The following PRTG variants were observed in gnomAD, a reference collection of about 807,000 sequenced individuals.
PRTG encodes immunoglobulin superfamily, DCC subclass, member 5.
A neutral mutation model predicts 122.5 loss-of-function variants in PRTG; 67 were observed. The ratio of observed to expected loss-of-function variants is 0.55; its 90% confidence interval spans 0.45 to 0.67. PRTG has a LOEUF of 0.67. Among genes scored for constraint, PRTG ranks in the 30% least tolerant of loss-of-function variants. PRTG has a pLI of 0.00. For missense variants in PRTG, 1,435 were observed against 1,415.4 expected (o/e 1.01, Z -0.22); for synonymous variants, 554 against 501.1 (o/e 1.11, Z -1.41).
rs1399417739 is a variant in PRTG, at chr15:55,743,043, C to CGCTCCG, written c.-118_-113dup. Reference sequence around the variant, plus strand: ...GCTGGTCGCACGCAGCCTGGCTCCCCGCTCCGGCTCCGGCACCGGCGTGGC... The same window carrying CGCTCCG: ...GCTGGTCGCACGCAGCCTGGCTCCCCGCTCCGGCTCCGGCTCCGGCACCGGCGTGGC... On this transcript the variant is annotated 5_prime_UTR_variant, in exon 1 of 20. Coordinates refer to ENST00000389286, the MANE Select transcript of PRTG (RefSeq NM_173814.6). The CGCTCCG allele has an allele frequency of 1.5e-4, 196 of 1,310,052 alleles. No homozygotes were observed. Among genetic ancestry groups the CGCTCCG allele is most frequent in the Admixed American group, 3.0e-4 (7 of 23,712 alleles). The allele number at this position is 1,310,052 out of a possible 1,614,324, so 81.2% of individuals were successfully genotyped here.
At chr15:55,693,170 T>C (rs911000914) in intron 2 of PRTG, among the ~76,000 whole-genome samples, 1 of 152,114 alleles carries the variant, frequency 6.6e-6, no homozygotes, top group Admixed American at 6.5e-5. Context: ...TTTAAAAGAC[T>C]AAGTGGCAGG....
intron 8 of PRTG, among the ~76,000 whole-genome samples, 181 bp from the exon 9 acceptor site, chr15:55,675,864 A>G (rs2059499730): frequency 6.6e-6 from 1 of 152,130 alleles, no homozygotes; most frequent in South Asian, 2.1e-4. Flanking sequence ...ATTTCACTAC[A>G]AATTATTAGA....
At chr15:55,706,870 C>A (rs1342190990) in intron 2 of PRTG, among the ~76,000 whole-genome samples, 3 of 152,010 alleles carry the variant, frequency 2.0e-5, no homozygotes, top group African/African-American at 7.2e-5. Context: ...CAGAGCTTTG[C>A]CTACTTACAT....
At position 55,682,420 on chromosome 15, in the gene PRTG, G is replaced by C; in HGVS notation, c.620C>G (p.Ala207Gly). ...QRDSGNYRCI[A>G]ATVAHRRKSM... The stretch of plus-strand genomic sequence containing the variant: ...TTTACGTCGGTGGGCTACAGTGGCA[G>C]CAATACAACGATAATTTCCAGAATC... The change falls in exon 4 of 20, where the codon GCT becomes GGT. Residue 207 changes from alanine (A) to glycine (G), a missense_variant. By Grantham distance (60) the Ala-to-Gly change is moderately conservative. Transcript: ENST00000389286. 6.2e-7 allele frequency: 1 copy of C among 1,605,942 alleles called. No homozygotes were observed. The highest frequency in any genetic ancestry group is 8.5e-7 in the Non-Finnish European group (1 of 1,175,212).
chr15:55,670,866 C>T (rs556338942), intron 11 of PRTG, among the ~76,000 whole-genome samples: 2 of 150,942 alleles, frequency 1.3e-5, no homozygotes, highest in South Asian at 4.2e-4. Flanking sequence ...TGCCATTACA[C>T]TCCAGCCTGG....
At chr15:55,663,075 T>A (rs930022069) in intron 11 of PRTG, among the ~76,000 whole-genome samples, 4 of 152,214 alleles carry the variant, frequency 2.6e-5, no homozygotes, top group African/African-American at 4.8e-5. Context: ...AAAAGTACCA[T>A]CCCTTAGAAC....
At chr15:55,652,811 A>G (rs539488436) in intron 11 of PRTG, among the ~76,000 whole-genome samples, 50 of 152,310 alleles carry the variant, frequency 3.3e-4, no homozygotes, top group Admixed American at 5.9e-4. Context: ...TGTTTCTCCA[A>G]TTGAAATCAC....
chr15:55,712,406 C>T (rs547791831), intron 2 of PRTG, among the ~76,000 whole-genome samples: 13 of 152,028 alleles, frequency 8.6e-5, no homozygotes, highest in Non-Finnish European at 1.6e-4. Flanking sequence ...AGCTGTTTCG[C>T]CTATGTGTTT....
chr15:55,683,888 G>C lies in PRTG; in HGVS notation c.441C>G (p.His147Gln), dbSNP rs770681139. The C allele has an allele frequency of 1.2e-6, 2 of 1,613,800 alleles. No homozygotes were observed. Among genetic ancestry groups the C allele is most frequent in the Non-Finnish European group, 1.7e-6 (2 of 1,179,788 alleles). Residue 147 changes from histidine to glutamine, a missense_variant, in exon 3 of 20, where the codon CAC becomes CAG. By Grantham distance (24) the His-to-Gln change is conservative (BLOSUM62 0). Transcript: ENST00000389286. The part of the protein sequence containing the change: ...FEVQPISTEV[H>Q]EGGVARFACK... ...ATGCAAATCGAGCAACTCCACCTTC[G>C]TGGACCTCAGTGGAAATTGGCTGGA...
At position 55,640,833 on chromosome 15, in the gene PRTG, A is replaced by G. The variant is rs549182011; in HGVS notation, c.2137+280T>C. 3.3e-5 allele frequency among the ~76,000 whole-genome samples: 5 copies of G among 151,126 alleles called. No homozygotes were observed. In the South Asian group the frequency reaches 1.1e-3, roughly 32 times the overall value. ...GAGAACAGCCTGGCCAACATGGTGAAAACCCCGTCTCTACTAAAAATACAA... is the reference window on the plus strand; with the variant it reads ...GAGAACAGCCTGGCCAACATGGTGAGAACCCCGTCTCTACTAAAAATACAA... On this transcript the variant is annotated intron_variant, in intron 12 of 19. Transcript: ENST00000389286.
At chr15:55,693,324 C>T (rs942291838) in intron 2 of PRTG, among the ~76,000 whole-genome samples, 8 of 152,110 alleles carry the variant, frequency 5.3e-5, no homozygotes, top group African/African-American at 1.7e-4. Flanking sequence ...GGCGTGGCGG[C>T]GCATGCCTGC....
chr15:55,642,435 G>A (rs949883000), intron 11 of PRTG, among the ~76,000 whole-genome samples: 6 of 151,712 alleles, frequency 4.0e-5, no homozygotes, highest in African/African-American at 1.5e-4. Context: ...CTGCCAACAT[G>A]GTGAAACCCC....
chr15:55,700,447 A>G (rs75265381), intron 2 of PRTG, among the ~76,000 whole-genome samples: 3,229 of 152,288 alleles, frequency 0.021, 117 homozygotes, highest in African/African-American at 0.072. Context: ...AGCACAATCC[A>G]TAAAAGATTG....
chr15:55,708,164 A>ACAAAC (rs1284640659), intron 2 of PRTG, among the ~76,000 whole-genome samples: 11 of 97,726 alleles, frequency 1.1e-4, no homozygotes, highest in African/African-American at 3.7e-4. Context: ...AAAAAAAAAA[A>ACAAAC]AAAAAAAAAA....
chr15:55,630,176 C>CG (rs2059219745), intron 15 of PRTG, among the ~76,000 whole-genome samples: 1 of 152,052 alleles, frequency 6.6e-6, no homozygotes, highest in Non-Finnish European at 1.5e-5. Context: ...TTAGTAGAGA[C>CG]AGGGTTTCAC....
In PRTG at chr15:55,629,359, GTATATA is replaced by G. The variant is rs58741046; in HGVS notation, c.2624-361_2624-356del. On this transcript the variant is annotated intron_variant, in intron 15 of 19. Transcript: ENST00000389286. Reference sequence around the variant, plus strand: ...ACAGTACACATTTTTGTTTGGCTTTGTATATATATATATATATGTGTGTGTGTGTGT... The same window carrying G: ...ACAGTACACATTTTTGTTTGGCTTTGTATATATATATGTGTGTGTGTGTGT... Among the ~76,000 whole-genome samples, 327 of 74,568 alleles carry G rather than the reference GTATATA, an allele frequency of 4.4e-3. 11 individuals carry two copies. The highest frequency in any genetic ancestry group is 0.012 in the African/African-American group (245 of 20,316). The allele number at this position is 74,568 out of a possible 152,430, so 48.9% of individuals were successfully genotyped here.
intron 9 of PRTG, among the ~76,000 whole-genome samples, chr15:55,675,109 G>A (rs543230954): frequency 4.9e-4 from 75 of 152,174 alleles, no homozygotes; most frequent in Admixed American, 1.1e-3. Flanking sequence ...TAAGTGCTAA[G>A]AATTTTTTGA....
intron 14 of PRTG, 108 bp downstream of exon 14, chr15:55,638,441 G>A: frequency 1.4e-6 from 1 of 691,788 alleles, no homozygotes; most frequent in Non-Finnish European, 2.2e-6. Context: ...TATATCAAGT[G>A]GTAGGTGGCA....
intron 2 of PRTG, among the ~76,000 whole-genome samples, chr15:55,689,793 C>A (rs571275843): frequency 6.6e-6 from 1 of 151,908 alleles, no homozygotes; most frequent in South Asian, 2.1e-4. Flanking sequence ...CCAGGCATGG[C>A]GGCGTGCACC....
Sources: allele counts gnomAD v4.1 joint callset (sites outside exome capture counted in the v4.1 genomes callset), GRCh38; gene constraint gnomAD v4.1.1; transcripts MANE v1.5; gene names NCBI Gene and HGNC (gene_info 2026-07-23, HGNC 2026-07-21).